Variants in KMT2D observed in about 807,000 individuals in gnomAD.
KMT2D encodes lysine methyltransferase 2D.
In KMT2D, 55 loss-of-function variants were observed where a neutral mutation model predicts 512.7. That is an observed-to-expected ratio of 0.11 (90% CI 0.09 to 0.13). The LOEUF (loss-of-function observed/expected upper bound fraction) is 0.13, where lower values mean the gene tolerates loss of function less well. KMT2D is among the 10% of genes least tolerant of loss of function. KMT2D has a pLI of 1.00. For synonymous variants in KMT2D, 2,995 were observed against 2,904.0 expected (o/e 1.03, Z -1.01); for missense variants, 6,061 against 7,127.9 (o/e 0.85, Z 5.39).
Position 49,039,122 on chromosome 12 carries a change from C to T in KMT2D, c.8366+100G>A. 1.3e-6 allele frequency: 2 copies of T among 1,547,654 alleles called. No individual in the cohort carries two copies. The highest frequency in any genetic ancestry group is 1.8e-6 in the Non-Finnish European group (2 of 1,126,478). ...GAATGAGGAAGAAGAGAAAGTGATA[C>T]TGGAAAAGGATTAGTGATACAGGAA... On this transcript the variant is annotated intron_variant, in intron 34 of 54. Coordinates refer to ENST00000301067, the MANE Select transcript of KMT2D (RefSeq NM_003482.4). This position sits in a 1 kb window ranked among gnomAD's most constrained non-coding sequence, Gnocchi z 5.0.
chr12:49,035,551 C>T (rs962571244), intron 35 of KMT2D: 1 of 152,362 alleles, frequency 6.6e-6, no homozygotes, highest in South Asian at 2.1e-4. Context: ...CATCCACTTT[C>T]TTTTTTTCTT....
intron 15 of KMT2D, 99 bp downstream of exon 15, chr12:49,047,866 G>A (rs763804465): frequency 8.1e-5 from 66 of 812,548 alleles, no homozygotes; most frequent in Non-Finnish European, 1.2e-4. Flanking sequence ...AACCATGACC[G>A]ATGGCCGCTT....
At position 49,045,384 on chromosome 12, in the gene KMT2D, T is replaced by G. The variant is rs539872948; in HGVS notation, c.4742-419A>C. ...TCTCAGCCGGGCGCGGTGCTCATGC[T>G]TGTAATCCCAGCCCTTTGGGAGGCC... is the stretch of plus-strand genomic sequence containing the variant. On this transcript the variant is annotated intron_variant, in intron 19 of 54. Transcript: ENST00000301067. Among the ~76,000 whole-genome samples the G allele has an allele frequency of 5.3e-5, 8 of 152,250 alleles. No homozygotes were observed. In the East Asian group the frequency reaches 1.5e-3, roughly 29 times the overall value.
Position 49,020,959 on chromosome 12 carries a change from T to G in KMT2D, c.*821A>C, listed in dbSNP as rs1555184256. 5.1e-6 allele frequency: 1 copy of G among 195,188 alleles called. No individual in the cohort carries two copies. The highest frequency in any genetic ancestry group is 1.1e-5 in the Non-Finnish European group (1 of 93,626). 12.1% of individuals were successfully genotyped at this position (195,188 alleles called of 1,614,324 possible). On this transcript the variant is annotated 3_prime_UTR_variant, in exon 55 of 55. Coordinates refer to ENST00000301067, the MANE Select transcript of KMT2D (RefSeq NM_003482.4). Reference sequence around the variant, plus strand: ...CATAATTAAAAACAAAGATGGATTTTTTGTTGTTGTTTTTCTTCCTCCTCC... The same window carrying G: ...CATAATTAAAAACAAAGATGGATTTGTTGTTGTTGTTTTTCTTCCTCCTCC...
At position 49,037,419 on chromosome 12, in the gene KMT2D, G is replaced by C. The variant is rs2120478754; in HGVS notation, c.9937C>G (p.Leu3313Val). 1.3e-6 allele frequency: 2 copies of C among 1,599,644 alleles called. No homozygotes were observed. The highest frequency in any genetic ancestry group is 1.7e-6 in the Non-Finnish European group (2 of 1,173,370). ...SPSLAGSQQQ[L>V]SLGLAGARQP... ...CGGGCACCTGCAAGACCCAGGGAAA[G>C]CTGCTGTTGGGACCCAGCCAAACTG... Residue 3313 changes from leucine to valine, a missense_variant, in exon 35 of 55, where the codon CTT (leucine) becomes GTT (valine). Around this residue, in one of 16 missense-constraint regions of KMT2D, gnomAD observed 533 missense variants for 539.6 expected, o/e 0.99. Transcript: ENST00000301067.
rs1470022156 is a variant in KMT2D at position 49,041,353 on chromosome 12, C to A, written c.6417G>T (p.Ala2139=). 1 of 1,572,082 alleles carries A rather than the reference C, an allele frequency of 6.4e-7. No individual in the cohort carries two copies. The highest frequency in any genetic ancestry group is 1.2e-5 in the South Asian group (1 of 84,320). Residue 2139 remains alanine (A), a synonymous_variant, in exon 32 of 55, where the codon GCG becomes GCT. Transcript: ENST00000301067. The surrounding 1 kb of genome is among the most constrained non-coding windows in gnomAD (Gnocchi z 5.4). ...PTTPAGLSTS[A]DGFLKPPAGS... is the part of the protein sequence containing the mutation. ...CCGCCGGCGGCTTCAGGAACCCGTCCGCAGAGGTAGACAAGCCGGCGGGGG... is the reference window on the plus strand; with the variant it reads ...CCGCCGGCGGCTTCAGGAACCCGTCAGCAGAGGTAGACAAGCCGGCGGGGG...
At position 49,030,389 on chromosome 12, in the gene KMT2D, TGGGGTGG is replaced by T; in HGVS notation, c.13883_13889del (p.Pro4628HisfsTer10). 9.6e-7 allele frequency: 1 copy of T among 1,046,502 alleles called. No individual in the cohort carries two copies. Among genetic ancestry groups the T allele is most frequent in the Non-Finnish European group, 1.4e-6 (1 of 722,600 alleles). The allele number at this position is 1,046,502 out of a possible 1,614,324, so 64.8% of individuals were successfully genotyped here. A position where few individuals can be genotyped will look rare whatever the true frequency, so the allele number is the denominator to read the frequency against. On this transcript the variant is annotated frameshift_variant, in exon 43 of 55. Coordinates refer to ENST00000301067, the MANE Select transcript of KMT2D (RefSeq NM_003482.4). LOFTEE classifies it high-confidence loss of function. Reference sequence around the variant, plus strand: ...CCATCTTCTGCTGCACCGATGGGGGTGGGGTGGGGGGCAGCGACGAGGGTGGTGTCGG... The same window carrying T: ...CCATCTTCTGCTGCACCGATGGGGGTGGGGCAGCGACGAGGGTGGTGTCGG...
rs758329937 is a variant in KMT2D at position 49,031,570 on chromosome 12, G to A, written c.13135C>T (p.Pro4379Ser). The A allele has an allele frequency of 4.4e-6, 7 of 1,600,982 alleles. No homozygotes were observed. The highest frequency in any genetic ancestry group is 6.0e-6 in the Non-Finnish European group (7 of 1,173,632). Residue 4379 changes from proline to serine, a missense_variant, in exon 40 of 55, where the codon CCC (proline) becomes TCC (serine). Transcript: ENST00000301067. Reference protein sequence around the residue: ...LFSKGLGPWDPPDNLAETQKP... With the variant: ...LFSKGLGPWDSPDNLAETQKP... Reference sequence around the variant, plus strand: ...TGGGTTTCTGCTAGGTTGTCTGGGGGATCCCAAGGTCCCAGACCCTTGCTA... The same window carrying A: ...TGGGTTTCTGCTAGGTTGTCTGGGGAATCCCAAGGTCCCAGACCCTTGCTA...
rs1218334396 is a variant in KMT2D at position 49,051,854 on chromosome 12, G to C, written c.1829C>G (p.Pro610Arg). 1 of 1,613,004 alleles carries C rather than the reference G, an allele frequency of 6.2e-7. No individual in the cohort carries two copies. Residue 610 changes from proline to arginine, a missense_variant, in exon 11 of 55, where the codon CCT becomes CGT. This residue lies in a region of KMT2D where 848 missense variants were observed against 838.5 expected (regional missense o/e 1.01). Transcript: ENST00000301067. ...GGAAAGGGGAGACTCCTCAGGTGGA[G>C]GGGACAGAGGAGACTCTTCAAATGG... ...FPPFEESPLSPPPEESPLSPP... is the reference protein window; with the variant it reads ...FPPFEESPLSRPPEESPLSPP...
In KMT2D at chr12:49,033,167, G is replaced by A. The variant is rs990458285; in HGVS notation, c.11538C>T (p.Gly3846=). Residue 3846 remains glycine, a synonymous_variant, in exon 40 of 55, where the codon GGC becomes GGT. Coordinates refer to ENST00000301067, the MANE Select transcript of KMT2D (RefSeq NM_003482.4). ...SSPQLAQQGQ[G]LMGHRLVTAQ... is the part of the protein sequence containing the mutation. ...CTGTGACCAGCCTGTGTCCCATAAG[G>A]CCCTGACCCTGCTGTGCCAGCTGGG... 2.6e-6 allele frequency: 4 copies of A among 1,550,398 alleles called. No individual in the cohort carries two copies. The highest frequency in any genetic ancestry group is 2.6e-6 in the Non-Finnish European group (3 of 1,146,238).
intron 1 of KMT2D, among the ~76,000 whole-genome samples, chr12:49,057,274 C>T (rs374531713): frequency 7.1e-4 from 108 of 152,322 alleles, no homozygotes; most frequent in African/African-American, 2.5e-3. Flanking sequence ...CCACTACATA[C>T]CCCTAAAGAT....
rs2120685916 is a variant in KMT2D, at chr12:49,052,356, G to A, written c.1327C>T (p.Pro443Ser). Residue 443 changes from proline (P) to serine (S), a missense_variant, in exon 11 of 55, where the codon CCA becomes TCA. Physicochemically the swap from Pro to Ser is moderately conservative, Grantham distance 74 (BLOSUM62 -1). Around this residue, in one of 16 missense-constraint regions of KMT2D, gnomAD observed 848 missense variants for 838.5 expected, o/e 1.01. Coordinates refer to ENST00000301067, the MANE Select transcript of KMT2D (RefSeq NM_003482.4). ...GGGGACAGGGGTGACTCCTCAGGTG[G>A]GGGCAGCAGTGGCATCTCCTCGTTT... ...PLNEEMPLLP[P>S]PEESPLSPPP... 1.9e-6 allele frequency: 3 copies of A among 1,548,296 alleles called. No homozygotes were observed. In the South Asian group the frequency reaches 3.8e-5, roughly 19 times the overall value.
chr12:49,055,775 G>A (rs1164593438), intron 1 of KMT2D, among the ~76,000 whole-genome samples: 3 of 152,090 alleles, frequency 2.0e-5, no homozygotes, highest in African/African-American at 7.2e-5. Flanking sequence ...AGGCCAGTCT[G>A]TGCCAACCCA....
At position 49,019,512 on chromosome 12, in the gene KMT2D, C is replaced by A. The variant is rs937834176; in HGVS notation, c.*2268G>T. On this transcript the variant is annotated 3_prime_UTR_variant, in exon 55 of 55. Transcript: ENST00000301067. ...CTGTATAAGGTTTCTTCACTAAATT[C>A]TACAGGACTATCGGATACCTAGCAT... The A allele has an allele frequency of 8.9e-6, 2 of 225,182 alleles. No individual in the cohort carries two copies. The highest frequency in any genetic ancestry group is 4.5e-5 in the African/African-American group (2 of 44,810). 13.9% of individuals were successfully genotyped at this position (225,182 alleles called of 1,614,324 possible). A position where few individuals can be genotyped will look rare whatever the true frequency, so the allele number is the denominator to read the frequency against.
At chr12:49,056,827 A>T (rs1374181223) in intron 1 of KMT2D, among the ~76,000 whole-genome samples, 4 of 152,202 alleles carry the variant, frequency 2.6e-5, no homozygotes, top group Non-Finnish European at 5.9e-5. Flanking sequence ...GGTGCCCCAA[A>T]TCAGTAAATC....
chr12:49,038,427 T>C lies in KMT2D; in HGVS notation c.8929A>G (p.Asn2977Asp), dbSNP rs373712239. ...PPSSTELGRP[N>D]PLALEAGKLP... ...TTCCCAGCTTCCAGGGCCAGAGGATTGGGGCGGCCAAGCTCAGTGCTCGAC... is the reference window on the plus strand; with the variant it reads ...TTCCCAGCTTCCAGGGCCAGAGGATCGGGGCGGCCAAGCTCAGTGCTCGAC... Residue 2977 changes from asparagine (N) to aspartate (D), a missense_variant, in exon 35 of 55, where the codon AAT (asparagine) becomes GAT (aspartate). This residue lies in a region of KMT2D where 527 missense variants were observed against 578.9 expected (regional missense o/e 0.91). Transcript: ENST00000301067. The surrounding 1 kb of genome is among the most constrained non-coding windows in gnomAD (Gnocchi z 5.7). The C allele has an allele frequency of 6.8e-6, 11 of 1,613,076 alleles. No homozygotes were observed. The African/African-American group carries it at 1.3e-4, about 20-fold the overall frequency.
intron 51 of KMT2D, chr12:49,023,933 C>T (rs1369562879): frequency 2.6e-6 from 1 of 386,518 alleles, no homozygotes; most frequent in African/African-American, 2.1e-5. Flanking sequence ...AGAACAAGGA[C>T]CTGCAGTGAA....
rs545446563 is a variant in KMT2D, at chr12:49,046,584, C to T, written c.4418+25G>A. ...TTTAACATCTCAAGGCCCCAGGGCT[C>T]CACTGAAGATCCCAGTCTCCTTACC... is the stretch of plus-strand genomic sequence containing the variant. On this transcript the variant is annotated intron_variant, in intron 16 of 54. Transcript: ENST00000301067. The surrounding 1 kb of genome is among the most constrained non-coding windows in gnomAD (Gnocchi z 4.2). 6.2e-7 allele frequency: 1 copy of T among 1,600,754 alleles called. No individual in the cohort carries two copies. Among genetic ancestry groups the T allele is most frequent in the African/African-American group, 1.3e-5 (1 of 74,858 alleles).
chr12:49,030,203 TA>T (rs1942828040), intron 43 of KMT2D, 76 bp downstream of exon 43: 1 of 1,320,994 alleles, frequency 7.6e-7, no homozygotes, highest in African/African-American at 1.5e-5. Context: ...CACTAATTTC[TA>T]AACTGTACAG....
Sources: allele counts gnomAD v4.1 joint callset (sites outside exome capture counted in the v4.1 genomes callset), GRCh38; gene constraint gnomAD v4.1.1; regional missense constraint gnomAD v4.1.1; non-coding constraint Gnocchi (gnomAD v3.1); transcripts MANE v1.5; gene names NCBI Gene and HGNC (gene_info 2026-07-23, HGNC 2026-07-21).